PFKP: variants seen among roughly 807,000 people sequenced by gnomAD.
PFKP encodes ATP-dependent 6-phosphofructokinase, platelet type.
A neutral mutation model predicts 94.3 loss-of-function variants in PFKP; 101 were observed. The observed-to-expected ratio is 1.07, with a 90% CI of 0.91 to 1.26. The LOEUF (loss-of-function observed/expected upper bound fraction) is 1.26, where lower values mean the gene tolerates loss of function less well. Ranked by LOEUF, PFKP falls within the 50% of genes most tolerant of loss-of-function variation. PFKP has a pLI of 0.00. For missense variants in PFKP, 1,145 were observed against 1,103.3 expected (o/e 1.04, Z -0.53); for synonymous variants, 573 against 432.6 (o/e 1.32, Z -4.03).
chr10:3,120,641 A>G (rs1242362889), intron 16 of PFKP, among the ~76,000 whole-genome samples: 1 of 152,206 alleles, frequency 6.6e-6, no homozygotes, highest in Non-Finnish European at 1.5e-5. Flanking sequence ...AGAGACAATA[A>G]TAAAACATAG....
intron 1 of PFKP, among the ~76,000 whole-genome samples, chr10:3,070,872 A>G (rs1832128583): frequency 6.6e-6 from 1 of 152,040 alleles, no homozygotes; most frequent in South Asian, 2.1e-4. Context: ...AGCTGGGAAG[A>G]CAGGAATGCA....
At chr10:3,126,005 T>C (rs1366950843) in intron 16 of PFKP, among the ~76,000 whole-genome samples, 2 of 152,050 alleles carry the variant, frequency 1.3e-5, no homozygotes, top group Non-Finnish European at 2.9e-5. Flanking sequence ...CTGGCCGGGG[T>C]AGGCCTGCAT....
chr10:3,068,772 C>A, intron 1 of PFKP: 1 of 848,254 alleles, frequency 1.2e-6, no homozygotes, highest in Non-Finnish European at 1.4e-6. Context: ...GCGAACGCAA[C>A]CTGGGAGCCT....
chr10:3,118,829 C>T lies in PFKP; in HGVS notation c.1490C>T (p.Thr497Met), dbSNP rs199901245. ...YLEEIATQMR[T>M]HSINALLIIG... ...GAAGAGATCGCCACACAGATGCGCA[C>T]GCACAGCATCAACGCGCTGCTGATC... is the stretch of plus-strand genomic sequence containing the variant. The change falls in exon 15 of 22, where the codon ACG becomes ATG. Residue 497 changes from threonine to methionine, a missense_variant. Coordinates refer to ENST00000381125, the MANE Select transcript of PFKP (RefSeq NM_002627.5). 1.8e-5 allele frequency: 29 copies of T among 1,613,656 alleles called. No individual in the cohort carries two copies. Among genetic ancestry groups the T allele is most frequent in the African/African-American group, 4.0e-5 (3 of 74,922 alleles).
At chr10:3,072,056 G>A (rs752455304) in intron 1 of PFKP, among the ~76,000 whole-genome samples, 13 of 152,172 alleles carry the variant, frequency 8.5e-5, no homozygotes, top group African/African-American at 3.1e-4. Context: ...CTGGCGCTTC[G>A]CAGGAATGCA....
At chr10:3,132,084 G>C (rs1838650453) in intron 17 of PFKP, among the ~76,000 whole-genome samples, 1 of 152,078 alleles carries the variant, frequency 6.6e-6, no homozygotes, top group Admixed American at 6.5e-5. Flanking sequence ...AGCCATGAAT[G>C]ATCACTAGGC....
At chr10:3,103,693 T>C (rs10903966) in intron 4 of PFKP, 86 bp from the exon 5 acceptor site, 1,094,322 of 1,312,964 alleles carry the variant, frequency 0.83, 462,147 homozygotes, top group Non-Finnish European at 0.87. Context: ...TCTCTACCCA[T>C]GGCCATTCTG....
intron 2 of PFKP, among the ~76,000 whole-genome samples, chr10:3,084,054 C>T (rs1403631983): frequency 1.3e-5 from 2 of 152,144 alleles, no homozygotes; most frequent in South Asian, 2.1e-4. Flanking sequence ...GCTTTCTCCC[C>T]GTTTTTTAAG....
At chr10:3,121,050 A>C (rs1462877349) in intron 16 of PFKP, among the ~76,000 whole-genome samples, 4 of 149,936 alleles carry the variant, frequency 2.7e-5, no homozygotes, top group African/African-American at 9.8e-5. Flanking sequence ...ACTTATTTCT[A>C]GCACTGGTAA....
intron 16 of PFKP, among the ~76,000 whole-genome samples, chr10:3,122,082 C>G (rs7913237): frequency 0.45 from 68,951 of 151,852 alleles, 15,629 homozygotes; most frequent in East Asian, 0.48. Flanking sequence ...CTTGGGCTCT[C>G]AAAGCACAGG....
chr10:3,129,930 G>T lies in PFKP; in HGVS notation c.1795G>T (p.Gly599Ter). Residue 599 changes from glycine (G) to a stop codon, truncating the protein, a stop_gained, in exon 17 of 22, where the codon GGA (glycine) becomes TGA (stop). Transcript: ENST00000381125. LOFTEE classifies it high-confidence loss of function. ...GGCCAACATGGGGGGGCTCGCGGCC[G>T]GAGCTGATGCCGCATACATTTTCGA... ...YLANMGGLAA[G>*]ADAAYIFEEP... The T allele has an allele frequency of 6.2e-7, 1 of 1,609,084 alleles. No homozygotes were observed. Among genetic ancestry groups the T allele is most frequent in the Non-Finnish European group, 8.5e-7 (1 of 1,177,408 alleles).
chr10:3,129,816 C>T lies in PFKP; in HGVS notation c.1684-3C>T. On this transcript the variant is annotated splice_region_variant and splice_polypyrimidine_tract_variant and intron_variant, in intron 16 of 21. Coordinates refer to ENST00000381125, the MANE Select transcript of PFKP (RefSeq NM_002627.5). ...GAGTGACTGATCGCTTCTCTGTGAC[C>T]AGACCTGCGACCGCATCAAGCAGTC... 6.2e-7 allele frequency: 1 copy of T among 1,613,332 alleles called. No individual in the cohort carries two copies. The highest frequency in any genetic ancestry group is 8.5e-7 in the Non-Finnish European group (1 of 1,179,926).
At chr10:3,069,388 G>A (rs1230969486) in intron 1 of PFKP, 4 of 1,587,338 alleles carry the variant, frequency 2.5e-6, no homozygotes, top group Non-Finnish European at 3.4e-6. Flanking sequence ...GGAGATGTGC[G>A]GGTACGAATG....
intron 1 of PFKP, among the ~76,000 whole-genome samples, chr10:3,068,953 C>T (rs923232685): frequency 6.6e-6 from 1 of 152,142 alleles, no homozygotes; most frequent in Non-Finnish European, 1.5e-5. Context: ...CTGCCCACTG[C>T]GCGGGTGACC....
At chr10:3,132,346 TTTA>T (rs761731387) in intron 17 of PFKP, 31 bp from the exon 18 acceptor site, 8 of 1,517,210 alleles carry the variant, frequency 5.3e-6, no homozygotes, top group South Asian at 1.1e-5. Flanking sequence ...TTAGTAGAAG[TTTA>T]TTGTCTGATT....
In PFKP at chr10:3,100,987, G is replaced by A. The variant is rs140486949; in HGVS notation, c.265-378G>A. 4.5e-5 allele frequency: 73 copies of A among 1,612,042 alleles called. No individual in the cohort carries two copies. In the East Asian group the frequency reaches 6.0e-4, roughly 13 times the overall value. On this transcript the variant is annotated intron_variant, in intron 3 of 21. Coordinates refer to ENST00000381125, the MANE Select transcript of PFKP (RefSeq NM_002627.5). ...TCACACCGCTTCCCTTGTCCTGGCCGGCATGCTCTGGTGGTCAGTGGGCTT... is the reference window on the plus strand; with the variant it reads ...TCACACCGCTTCCCTTGTCCTGGCCAGCATGCTCTGGTGGTCAGTGGGCTT...
intron 16 of PFKP, among the ~76,000 whole-genome samples, chr10:3,127,189 C>T (rs749129955): frequency 6.6e-6 from 1 of 152,260 alleles, no homozygotes. Context: ...TTCAGGAAAG[C>T]TGTATCTAAG....
intron 16 of PFKP, among the ~76,000 whole-genome samples, chr10:3,123,912 TG>T (rs1382356579): frequency 6.6e-6 from 1 of 152,224 alleles, no homozygotes; most frequent in East Asian, 1.9e-4. Flanking sequence ...GGCTGTGCCA[TG>T]GGGTGCGGGG....
At chr10:3,091,642 C>T (rs901256845) in intron 2 of PFKP, among the ~76,000 whole-genome samples, 1 of 152,086 alleles carries the variant, frequency 6.6e-6, no homozygotes, top group African/African-American at 2.4e-5. Context: ...TGACGAAACT[C>T]CGTCTCTACT....
Sources: allele counts gnomAD v4.1 joint callset (sites outside exome capture counted in the v4.1 genomes callset), GRCh38; gene constraint gnomAD v4.1.1; transcripts MANE v1.5; gene names NCBI Gene and HGNC (gene_info 2026-07-23, HGNC 2026-07-21).